Variants in HTR1F observed in about 807,000 individuals in gnomAD.
The protein encoded by HTR1F is 5-hydroxytryptamine (serotonin) receptor 1F, G protein-coupled.
Under a neutral mutation model 24.0 loss-of-function variants are expected in HTR1F, and 17 were observed. The ratio of observed to expected loss-of-function variants is 0.71; its 90% confidence interval spans 0.48 to 1.06. The LOEUF (loss-of-function observed/expected upper bound fraction) is 1.06. HTR1F is among the 50% of genes least tolerant of loss of function. The pLI, the probability that HTR1F is intolerant of heterozygous loss-of-function variation, is 0.00. For missense variants in HTR1F, 391 were observed against 427.8 expected (o/e 0.91, Z 0.76); for synonymous variants, 186 against 156.8 (o/e 1.19, Z -1.39).
intron 2 of HTR1F, among the ~76,000 whole-genome samples, chr3:87,936,343 G>A (rs1159178258): frequency 5.9e-5 from 9 of 152,080 alleles, no homozygotes; most frequent in Non-Finnish European, 1.3e-4. Context: ...TTTGTAAATG[G>A]CACTATAGAA....
At chr3:87,844,464 C>T (rs1704889746) in intron 2 of HTR1F, among the ~76,000 whole-genome samples, 1 of 134,760 alleles carries the variant, frequency 7.4e-6, no homozygotes, top group East Asian at 2.1e-4. Context: ...AAAATTTTCT[C>T]CCATTTTGTA....
chr3:87,852,942 A>G (rs950105820), intron 2 of HTR1F, among the ~76,000 whole-genome samples: 3 of 149,276 alleles, frequency 2.0e-5, no homozygotes, highest in Non-Finnish European at 3.0e-5. Context: ...ATAATCTGAC[A>G]TGGTTTAACT....
chr3:87,960,242 G>A (rs1376439595), intron 2 of HTR1F, among the ~76,000 whole-genome samples: 1 of 151,870 alleles, frequency 6.6e-6, no homozygotes, highest in African/African-American at 2.4e-5. Context: ...ACTACTTGAT[G>A]AGCCTTCATT....
At chr3:87,960,379 GCTTC>G (rs1156275125) in intron 2 of HTR1F, among the ~76,000 whole-genome samples, 1 of 151,964 alleles carries the variant, frequency 6.6e-6, no homozygotes, top group Non-Finnish European at 1.5e-5. Flanking sequence ...AAGAATCATT[GCTTC>G]CTTAGACAGT....
chr3:87,884,657 C>A (rs1291276041), intron 2 of HTR1F, among the ~76,000 whole-genome samples: 1 of 150,906 alleles, frequency 6.6e-6, no homozygotes, highest in Non-Finnish European at 1.5e-5. Flanking sequence ...GGAGGAAGAT[C>A]TACCAAGCAA....
intron 1 of HTR1F, among the ~76,000 whole-genome samples, chr3:87,811,946 G>A (rs1338043773): frequency 6.6e-6 from 1 of 152,114 alleles, no homozygotes; most frequent in Non-Finnish European, 1.5e-5. Flanking sequence ...GGCTTTATAA[G>A]TATTTGATAG....
intron 2 of HTR1F, among the ~76,000 whole-genome samples, chr3:87,860,526 C>T (rs962639475): frequency 6.6e-6 from 1 of 152,054 alleles, no homozygotes; most frequent in Non-Finnish European, 1.5e-5. Flanking sequence ...TTATTATTTT[C>T]TAGGTTCAAA....
chr3:87,920,602 G>T (rs778087728), intron 2 of HTR1F, among the ~76,000 whole-genome samples: 1 of 151,868 alleles, frequency 6.6e-6, no homozygotes, highest in Non-Finnish European at 1.5e-5. Flanking sequence ...AACATAAAAG[G>T]TGTTTCTGAA....
chr3:87,960,467 G>T (rs1705037278), intron 2 of HTR1F, among the ~76,000 whole-genome samples: 1 of 151,922 alleles, frequency 6.6e-6, no homozygotes, highest in South Asian at 2.1e-4. Context: ...ACTTTAAGTG[G>T]ATTTTTGTGA....
At chr3:87,848,249 C>T (rs1235657072) in intron 2 of HTR1F, among the ~76,000 whole-genome samples, 1 of 151,830 alleles carries the variant, frequency 6.6e-6, no homozygotes, top group African/African-American at 2.4e-5. Context: ...TTTTGATTTG[C>T]ATTTCCCTGG....
chr3:87,802,076 CTCCT>C, intron 1 of HTR1F, among the ~76,000 whole-genome samples: 1 of 88,788 alleles, frequency 1.1e-5, no homozygotes, highest in African/African-American at 5.3e-5. Context: ...CTTTCCCTCC[CTCCT>C]TCCCTCCCTC....
intron 2 of HTR1F, among the ~76,000 whole-genome samples, chr3:87,940,042 C>G (rs1330402581): frequency 1.3e-5 from 2 of 152,126 alleles, no homozygotes; most frequent in Non-Finnish European, 1.5e-5. Flanking sequence ...TAGATGTGTC[C>G]CAGAGATTCT....
chr3:87,893,625 G>A (rs946714905), intron 2 of HTR1F, among the ~76,000 whole-genome samples: 1 of 152,182 alleles, frequency 6.6e-6, no homozygotes, highest in Non-Finnish European at 1.5e-5. Flanking sequence ...GCAATGGCCT[G>A]GGACTATTTA....
At chr3:87,856,107 A>T (rs1348873605) in intron 2 of HTR1F, among the ~76,000 whole-genome samples, 1 of 152,130 alleles carries the variant, frequency 6.6e-6, no homozygotes, top group East Asian at 1.9e-4. Flanking sequence ...ACACATTCAC[A>T]TAACCTTTAT....
chr3:87,941,043 C>G (rs1400211238), intron 2 of HTR1F, among the ~76,000 whole-genome samples: 1 of 152,196 alleles, frequency 6.6e-6, no homozygotes, highest in Non-Finnish European at 1.5e-5. Context: ...TCCTTTGGAC[C>G]TGTGTAAGGA....
At chr3:87,900,488 T>C (rs1221050432) in intron 2 of HTR1F, among the ~76,000 whole-genome samples, 1 of 152,096 alleles carries the variant, frequency 6.6e-6, no homozygotes, top group Non-Finnish European at 1.5e-5. Context: ...TCTGAAGCAA[T>C]GGAGGGGCAT....
chr3:87,849,932 GAT>G lies in HTR1F; in HGVS notation c.-43+27809_-43+27810del, dbSNP rs1224288346. On this transcript the variant is annotated intron_variant, in intron 2 of 2. Transcript: ENST00000319595. Reference sequence around the variant, plus strand: ...GATACCATCTCACACCAGTTAGAATGATGATCATTAAAAAGTCAGGAAACAAC... The same window carrying G: ...GATACCATCTCACACCAGTTAGAATGGATCATTAAAAAGTCAGGAAACAAC... Among the ~76,000 whole-genome samples the G allele has an allele frequency of 1.3e-3, 202 of 152,014 alleles. 3 individuals carry two copies. The highest frequency in any genetic ancestry group is 1.6e-3 in the Non-Finnish European group (106 of 68,022).
chr3:87,828,327 G>A (rs1704507059), intron 2 of HTR1F, among the ~76,000 whole-genome samples: 2 of 152,166 alleles, frequency 1.3e-5, no homozygotes, highest in Non-Finnish European at 2.9e-5. Flanking sequence ...AAAAAATTAG[G>A]CTTATGTTTT....
chr3:87,823,910 T>A (rs989918736), intron 2 of HTR1F, among the ~76,000 whole-genome samples: 3 of 151,812 alleles, frequency 2.0e-5, no homozygotes, highest in African/African-American at 7.3e-5. Context: ...AATACAAAAA[T>A]TAGCTGGGCA....
Sources: gnomAD v4.1 joint callset for allele counts (sites outside exome capture counted in the v4.1 genomes callset) on GRCh38, gnomAD v4.1.1 for gene constraint, MANE v1.5 for transcripts, NCBI Gene and HGNC (gene_info 2026-07-23, HGNC 2026-07-21) for gene names.